The following LRFN5 variants were observed in gnomAD, a reference collection of about 807,000 sequenced individuals.
LRFN5 encodes leucine-rich repeat and fibronectin type-III domain-containing protein 5.
Under a neutral mutation model 45.6 loss-of-function variants are expected in LRFN5, and 24 were observed. The ratio of observed to expected loss-of-function variants is 0.53; its 90% CI spans 0.38 to 0.74. LRFN5 has a LOEUF of 0.74. Ranked by LOEUF, LRFN5 falls within the 30% of genes least tolerant of loss-of-function variation. The pLI is 0.00. For missense variants in LRFN5, 776 were observed against 861.5 expected, an observed-to-expected ratio of 0.90 and a Z score of 1.24; for synonymous variants, 340 against 313.8, an observed-to-expected ratio of 1.08 and a Z score of -0.88.
chr14:41,750,267 T>TTATATA (rs60275061), intron 1 of LRFN5, among the ~76,000 whole-genome samples: 378 of 144,348 alleles, frequency 2.6e-3, no homozygotes, highest in South Asian at 4.1e-3. Flanking sequence ...GTAACTTTTC[T>TTATATA]TATATATATA....
At chr14:41,877,420 G>T (rs1890222601) in intron 2 of LRFN5, among the ~76,000 whole-genome samples, 1 of 152,042 alleles carries the variant, frequency 6.6e-6, no homozygotes, top group Admixed American at 6.6e-5. Context: ...GAAGGCACAA[G>T]TTAGAGAAGG....
At chr14:41,884,555 G>T (rs986792503) in intron 2 of LRFN5, among the ~76,000 whole-genome samples, 1 of 152,182 alleles carries the variant, frequency 6.6e-6, no homozygotes, top group Admixed American at 6.5e-5. Context: ...ACAGGGAAGA[G>T]TCCAGTGGTC....
chr14:41,632,860 A>G (rs1888597089), intron 1 of LRFN5, among the ~76,000 whole-genome samples: 1 of 152,182 alleles, frequency 6.6e-6, no homozygotes. Flanking sequence ...TTATTTTAAA[A>G]TTCTTATATT....
intron 1 of LRFN5, among the ~76,000 whole-genome samples, chr14:41,675,471 C>T (rs902837065): frequency 4.9e-4 from 74 of 152,270 alleles, no homozygotes; most frequent in African/African-American, 1.7e-3. Flanking sequence ...GGCGTGGCGG[C>T]GCGCGCCTGC....
At chr14:41,697,760 G>T in intron 1 of LRFN5, among the ~76,000 whole-genome samples, 1 of 150,834 alleles carries the variant, frequency 6.6e-6, no homozygotes, top group African/African-American at 2.4e-5. Context: ...GCATATACTA[G>T]TTTTTAAAAG....
chr14:41,858,832 G>T (rs896662197), intron 2 of LRFN5, among the ~76,000 whole-genome samples: 1 of 151,946 alleles, frequency 6.6e-6, no homozygotes, highest in African/African-American at 2.4e-5. Flanking sequence ...TCTTATTTGG[G>T]CTCTCCAGGC....
intron 1 of LRFN5, among the ~76,000 whole-genome samples, chr14:41,747,620 T>C (rs1884974365): frequency 6.6e-6 from 1 of 151,978 alleles, no homozygotes; most frequent in Non-Finnish European, 1.5e-5. Context: ...TAATGGTTTA[T>C]TGAATATGAC....
At chr14:41,741,827 C>CA (rs1030415463) in intron 1 of LRFN5, among the ~76,000 whole-genome samples, 1 of 148,150 alleles carries the variant, frequency 6.7e-6, no homozygotes, top group Admixed American at 6.9e-5. Context: ...AAAAAAAAAA[C>CA]CAAAAAACTA....
intron 1 of LRFN5, among the ~76,000 whole-genome samples, chr14:41,683,203 A>T (rs1357184963): frequency 1.3e-5 from 2 of 152,234 alleles, no homozygotes; most frequent in Non-Finnish European, 2.9e-5. Flanking sequence ...GTATCAATAG[A>T]ATGAAGGAAA....
intron 2 of LRFN5, among the ~76,000 whole-genome samples, chr14:41,789,956 A>C (rs953738915): frequency 6.6e-6 from 1 of 151,922 alleles, no homozygotes; most frequent in Non-Finnish European, 1.5e-5. Flanking sequence ...GCTGCCTCAT[A>C]AAATGCATTG....
intron 1 of LRFN5, among the ~76,000 whole-genome samples, chr14:41,659,406 A>G (rs1019235501): frequency 1.3e-5 from 2 of 152,128 alleles, no homozygotes; most frequent in Non-Finnish European, 2.9e-5. Context: ...GCTGCATAGT[A>G]TTCCATGGTG....
chr14:41,891,541 G>T lies in LRFN5; in HGVS notation c.1677G>T (p.Gly559=), dbSNP rs1207372092. The T allele has an allele frequency of 1.9e-6, 3 of 1,614,142 alleles. No individual in the cohort carries two copies. The highest frequency in any genetic ancestry group is 2.5e-6 in the Non-Finnish European group (3 of 1,180,034). ...MIRYKVCNNN[G]QHKVTKVSNV... ...GGTATAAGGTTTGCAACAATAATGG[G>T]CAACACAAGGTCACCAAGGTTAGCA... Residue 559 remains glycine, a synonymous_variant, in exon 4 of 6, where the codon GGG becomes GGT. Transcript: ENST00000298119.
chr14:41,632,845 TCTA>T (rs1388660845), intron 1 of LRFN5, among the ~76,000 whole-genome samples: 7 of 152,324 alleles, frequency 4.6e-5, no homozygotes, highest in African/African-American at 1.7e-4. Context: ...TGATTTTTCT[TCTA>T]CTTATTTTAA....
At chr14:41,822,983 T>A (rs1888171981) in intron 2 of LRFN5, among the ~76,000 whole-genome samples, 1 of 151,850 alleles carries the variant, frequency 6.6e-6, no homozygotes, top group Non-Finnish European at 1.5e-5. Context: ...CACTTTTGGT[T>A]CCCATATGTA....
intron 2 of LRFN5, among the ~76,000 whole-genome samples, chr14:41,813,239 C>T (rs1020612639): frequency 3.3e-5 from 5 of 152,068 alleles, no homozygotes; most frequent in Admixed American, 1.3e-4. Flanking sequence ...GATGCATGTG[C>T]AGAGGGTACA....
At chr14:41,790,736 A>G (rs1886889834) in intron 2 of LRFN5, among the ~76,000 whole-genome samples, 2 of 149,902 alleles carry the variant, frequency 1.3e-5, no homozygotes, top group South Asian at 4.3e-4. Context: ...GTTATGACTA[A>G]TTTAAAACTT....
chr14:41,671,614 TTCG>T (rs1881221558), intron 1 of LRFN5, among the ~76,000 whole-genome samples: 4 of 121,462 alleles, frequency 3.3e-5, no homozygotes, highest in African/African-American at 1.4e-4. Flanking sequence ...ATTTTTTTTT[TTCG>T]TTTTTTTTTT....
intron 1 of LRFN5, among the ~76,000 whole-genome samples, chr14:41,637,511 C>A (rs1158205939): frequency 6.6e-6 from 1 of 152,006 alleles, no homozygotes; most frequent in African/African-American, 2.4e-5. Flanking sequence ...GAGCTCCATT[C>A]TAAATTTGCA....
At chr14:41,721,141 T>C (rs28778645) in intron 1 of LRFN5, among the ~76,000 whole-genome samples, 53,327 of 152,018 alleles carry the variant, frequency 0.35, 9,915 homozygotes, top group African/African-American at 0.48. Flanking sequence ...GTAATGTTCT[T>C]CTTTGGCTTT....
Sources: gnomAD v4.1 joint callset for allele counts (sites outside exome capture counted in the v4.1 genomes callset) on GRCh38, gnomAD v4.1.1 for gene constraint, MANE v1.5 for transcripts, NCBI Gene and HGNC (gene_info 2026-07-23, HGNC 2026-07-21) for gene names.